Variants in RAPH1 observed in about 807,000 individuals in gnomAD.
RAPH1 encodes the protein ras-associated and pleckstrin homology domains-containing protein 1.
In RAPH1, 18 loss-of-function variants were observed where a neutral mutation model predicts 88.1. The ratio of observed to expected loss-of-function variants is 0.20; its 90% CI spans 0.14 to 0.30. The LOEUF (loss-of-function observed/expected upper bound fraction) is 0.30, where lower values mean the gene tolerates loss of function less well. Among genes scored for constraint, RAPH1 ranks in the 10% least tolerant of loss-of-function variants. RAPH1 has a pLI of 1.00. For missense variants in RAPH1, 1,448 were observed against 1,543.2 expected, an observed-to-expected ratio of 0.94 and a Z score of 1.03; for synonymous variants, 587 against 559.0, an observed-to-expected ratio of 1.05 and a Z score of -0.71.
In RAPH1 at chr2:203,491,325, T is replaced by C. The variant is rs750045523; in HGVS notation, c.121-6A>G. ...GGCTTGTCAGAATCCAAACTCTTTA[T>C]AAAAAGAAAGTTTAATAGTCATATT... On this transcript the variant is annotated splice_region_variant and splice_polypyrimidine_tract_variant and intron_variant, in intron 2 of 13. Transcript: ENST00000319170. The C allele has an allele frequency of 6.3e-7, 1 of 1,585,628 alleles. No individual in the cohort carries two copies. Among genetic ancestry groups the C allele is most frequent in the African/African-American group, 1.4e-5 (1 of 73,834 alleles).
chr2:203,439,793 G>A lies in RAPH1; in HGVS notation c.3397C>T (p.Leu1133Phe). Residue 1133 changes from leucine to phenylalanine, a missense_variant, in exon 14 of 14, where the codon CTC (leucine) becomes TTC (phenylalanine). This residue lies in a region of RAPH1 where 935 missense variants were observed against 890.1 expected (regional missense o/e 1.05). Transcript: ENST00000319170. ...TGCTCAGAAATCTCAGCTTGAGTGA[G>A]GCGGGTGCTATCATTCCGTTTGGGT... ...TRPKRNDSTRLTQAEISEQPT... is the reference protein window; with the variant it reads ...TRPKRNDSTRFTQAEISEQPT... 1 of 1,614,122 alleles carries A rather than the reference G, an allele frequency of 6.2e-7. No homozygotes were observed. The highest frequency in any genetic ancestry group is 1.1e-5 in the South Asian group (1 of 91,070).
chr2:203,506,894 ATATATT>A (rs1559495177), intron 1 of RAPH1, among the ~76,000 whole-genome samples: 25 of 101,260 alleles, frequency 2.5e-4, no homozygotes, highest in Non-Finnish European at 3.1e-4. Flanking sequence ...ATATATATAT[ATATATT>A]TTTTTTTTTT....
chr2:203,530,888 T>A (rs773924652), intron 1 of RAPH1, among the ~76,000 whole-genome samples: 1 of 145,688 alleles, frequency 6.9e-6, no homozygotes, highest in Non-Finnish European at 1.5e-5. Flanking sequence ...TAAGACTCCA[T>A]CTCAAAAAAA....
chr2:203,493,781 G>A, intron 2 of RAPH1, among the ~76,000 whole-genome samples: 1 of 151,822 alleles, frequency 6.6e-6, no homozygotes. Context: ...AGATCAGCTT[G>A]GCTAACATGG....
At chr2:203,478,678 G>A (rs1255247004) in intron 4 of RAPH1, among the ~76,000 whole-genome samples, 1 of 151,980 alleles carries the variant, frequency 6.6e-6, no homozygotes, top group Non-Finnish European at 1.5e-5. Context: ...TAGTGGGGAT[G>A]GGATGTCACC....
intron 1 of RAPH1, among the ~76,000 whole-genome samples, chr2:203,495,615 T>C (rs1057037359): frequency 2.6e-5 from 4 of 152,030 alleles, no homozygotes; most frequent in Non-Finnish European, 4.4e-5. Context: ...ATCGCATTAC[T>C]AAAAAAATTA....
At chr2:203,469,825 T>G (rs967874079) in intron 4 of RAPH1, among the ~76,000 whole-genome samples, 1 of 152,200 alleles carries the variant, frequency 6.6e-6, no homozygotes, top group African/African-American at 2.4e-5. Flanking sequence ...TATGAGTAAA[T>G]GTTTTAATTA....
chr2:203,442,395 C>T (rs1009820742), intron 13 of RAPH1: 1 of 213,284 alleles, frequency 4.7e-6, no homozygotes, highest in African/African-American at 2.3e-5. Context: ...CTTTGAGGAT[C>T]CAAGATAAAC....
At position 203,489,831 on chromosome 2, in the gene RAPH1, T is replaced by C; in HGVS notation, c.485A>G (p.Gln162Arg). The change falls in exon 4 of 14, where the codon CAG becomes CGG. Residue 162 changes from glutamine to arginine, a missense_variant. Coordinates refer to ENST00000319170, the MANE Select transcript of RAPH1 (RefSeq NM_213589.3). The stretch of plus-strand genomic sequence containing the variant: ...AGCCTCATCCATACTCAAAGAGGCC[T>C]GTTCTAACTGTGCAGTGACGTCGTC... ...SLDDVTAQLE[Q>R]ASLSMDEAAQ... 6.2e-7 allele frequency: 1 copy of C among 1,614,256 alleles called. No individual in the cohort carries two copies. The highest frequency in any genetic ancestry group is 1.7e-5 in the Admixed American group (1 of 60,032).
Position 203,440,763 on chromosome 2 carries a change from TGGAGGA to T in RAPH1, c.2421_2426del (p.Pro808_Pro809del). ...CTGGCTGCTTTTTTGCTGGGGGCAC[TGGAGGA>T]GTAGGTGTGGGTGGTGCAGCTTGAG... is the stretch of plus-strand genomic sequence containing the variant. On this transcript the variant is annotated inframe_deletion, in exon 14 of 14. Coordinates refer to ENST00000319170, the MANE Select transcript of RAPH1 (RefSeq NM_213589.3). The T allele has an allele frequency of 6.2e-7, 1 of 1,602,566 alleles. No individual in the cohort carries two copies. Among genetic ancestry groups the T allele is most frequent in the Non-Finnish European group, 8.5e-7 (1 of 1,177,050 alleles).
chr2:203,510,994 G>T (rs1689316338), intron 1 of RAPH1, among the ~76,000 whole-genome samples: 1 of 152,116 alleles, frequency 6.6e-6, no homozygotes, highest in African/African-American at 2.4e-5. Flanking sequence ...AGAGGAGTTA[G>T]ATGCCACTTC....
At chr2:203,462,774 T>C (rs954828676) in intron 4 of RAPH1, among the ~76,000 whole-genome samples, 1 of 152,236 alleles carries the variant, frequency 6.6e-6, no homozygotes, top group African/African-American at 2.4e-5. Flanking sequence ...ACTTGTAATT[T>C]CCAGCAATAG....
At chr2:203,485,357 G>C (rs1223775895) in intron 4 of RAPH1, among the ~76,000 whole-genome samples, 1 of 148,794 alleles carries the variant, frequency 6.7e-6, no homozygotes, top group Non-Finnish European at 1.5e-5. Context: ...GTTGCAGTGA[G>C]CTGAGATTGC....
At chr2:203,455,692 T>A in intron 8 of RAPH1, 112 bp from the exon 9 acceptor site, 1 of 1,004,084 alleles carries the variant, frequency 1.0e-6, no homozygotes, top group Non-Finnish European at 1.5e-6. Context: ...GGTTTTATAT[T>A]AAAACCAAGC....
chr2:203,476,836 C>T (rs1435267433), intron 4 of RAPH1, among the ~76,000 whole-genome samples: 1 of 152,148 alleles, frequency 6.6e-6, no homozygotes, highest in African/African-American at 2.4e-5. Context: ...CATGTTGTTT[C>T]AGGTTCTAAT....
At chr2:203,441,943 G>T in intron 13 of RAPH1, 1 of 1,388,294 alleles carries the variant, frequency 7.2e-7, no homozygotes, top group South Asian at 1.9e-5. Flanking sequence ...GTATGAGAAT[G>T]TTGAGCAGGC....
Position 203,440,894 on chromosome 2 carries a change from GT to G in RAPH1, c.2295del (p.Pro766LeufsTer18). 1 of 1,481,370 alleles carries G rather than the reference GT, an allele frequency of 6.8e-7. No individual in the cohort carries two copies. The highest frequency in any genetic ancestry group is 9.2e-7 in the Non-Finnish European group (1 of 1,091,516). 91.8% of individuals were successfully genotyped at this position (1,481,370 alleles called of 1,614,324 possible). Reference protein sequence around the residue: ...ITQVAPPTPPPPPPIPAPLPP... With the variant: ...ITQVAPPTPPXPPPIPAPLPP... ...GGGAGGGGTGCAGGGATAGGAGGAGGTGGGGGGGGTGTTGGGGGAGCCACCT... is the reference window on the plus strand; with the variant it reads ...GGGAGGGGTGCAGGGATAGGAGGAGGGGGGGGGGTGTTGGGGGAGCCACCT... On this transcript the variant is annotated frameshift_variant, in exon 14 of 14. Coordinates refer to ENST00000319170, the MANE Select transcript of RAPH1 (RefSeq NM_213589.3). LOFTEE classifies it low-confidence loss of function (END_TRUNC).
rs145117595 is a variant in RAPH1, at chr2:203,491,341, T to C, written c.121-22A>G. On this transcript the variant is annotated intron_variant, in intron 2 of 13. Transcript: ENST00000319170. ...AACTCTTTATAAAAAGAAAGTTTAA[T>C]AGTCATATTAAATTCAGGTTTCAAT... is the stretch of plus-strand genomic sequence containing the variant. The C allele has an allele frequency of 3.1e-4, 464 of 1,478,582 alleles. 4 individuals are homozygous for C. The African/African-American group carries it at 5.9e-3, about 19-fold the overall frequency. 91.6% of individuals were successfully genotyped at this position (1,478,582 alleles called of 1,614,324 possible).
chr2:203,499,125 A>C (rs533585328), intron 1 of RAPH1, among the ~76,000 whole-genome samples: 34 of 152,350 alleles, frequency 2.2e-4, no homozygotes, highest in Admixed American at 6.5e-4. Flanking sequence ...ATTAAATGAC[A>C]CATGACTGTA....
Sources: gnomAD v4.1 joint callset for allele counts (sites outside exome capture counted in the v4.1 genomes callset) on GRCh38, gnomAD v4.1.1 for gene constraint, gnomAD v4.1.1 regional missense constraint, MANE v1.5 for transcripts, NCBI Gene and HGNC (gene_info 2026-07-23, HGNC 2026-07-21) for gene names.